Variants in NRXN3 observed in about 807,000 individuals in gnomAD.
NRXN3 encodes neurexin 3.
Under a neutral mutation model 137.6 loss-of-function variants are expected in NRXN3, and 32 were observed. The observed-to-expected ratio is 0.23, with a 90% CI of 0.18 to 0.31. The LOEUF (loss-of-function observed/expected upper bound fraction) is 0.31, where lower values mean the gene tolerates loss of function less well. Ranked by LOEUF, NRXN3 falls within the 10% of genes least tolerant of loss-of-function variation. The pLI, the probability that NRXN3 is intolerant of heterozygous loss-of-function variation, is 1.00. For synonymous variants in NRXN3, 798 were observed against 784.5 expected (o/e 1.02, Z -0.29); for missense variants, 1,574 against 2,062.5 (o/e 0.76, Z 4.59).
chr14:78,541,382 A>T (rs1439528740), intron 4 of NRXN3, among the ~76,000 whole-genome samples: 1 of 152,112 alleles, frequency 6.6e-6, no homozygotes, highest in East Asian at 1.9e-4. Context: ...AATCACTGAT[A>T]CCCTTTCTTC....
Position 79,861,074 on chromosome 14 carries a change from C to T in NRXN3, c.4094-268C>T. 7.0e-7 allele frequency: 1 copy of T among 1,427,502 alleles called. No individual in the cohort carries two copies. Among genetic ancestry groups the T allele is most frequent in the Non-Finnish European group, 9.1e-7 (1 of 1,093,618 alleles). The allele number at this position is 1,427,502 out of a possible 1,614,324, so 88.4% of individuals were successfully genotyped here. On this transcript the variant is annotated intron_variant, in intron 20 of 20. Transcript: ENST00000335750. This position sits in a 1 kb window ranked among gnomAD's most constrained non-coding sequence, Gnocchi z 5.4. ...AGTTATCCCTCTTCTTGTAGAAGAC[C>T]CTTTAGCTACCCCTCCTATTGCTAC...
chr14:78,783,950 A>G (rs1345042810), intron 8 of NRXN3, among the ~76,000 whole-genome samples: 1 of 152,022 alleles, frequency 6.6e-6, no homozygotes, highest in Non-Finnish European at 1.5e-5. Context: ...TTTATAGAGC[A>G]TCTACTATGG....
intron 4 of NRXN3, among the ~76,000 whole-genome samples, chr14:78,539,415 G>A (rs1436576362): frequency 6.6e-6 from 1 of 152,160 alleles, no homozygotes. Context: ...GGTGTTTATA[G>A]TATTCTCTGA....
In NRXN3 at chr14:79,314,081, A is replaced by G. The variant is rs138746156; in HGVS notation, c.3263-153140A>G. 6.9e-4 allele frequency: 107 copies of G among 156,092 alleles called. 1 individual carries two copies. Among genetic ancestry groups the G allele is most frequent in the African/African-American group, 2.5e-3 (103 of 41,476 alleles). 9.7% of individuals were successfully genotyped at this position (156,092 alleles called of 1,614,324 possible). A position where few individuals can be genotyped will look rare whatever the true frequency, so the allele number is the denominator to read the frequency against. ...TCTTTGCCAAGATGGCCGAATAGGA[A>G]CAGCTCCGGTCTACAGCTCCCAGCG... On this transcript the variant is annotated intron_variant, in intron 15 of 20. Coordinates refer to ENST00000335750, the MANE Select transcript of NRXN3 (RefSeq NM_001330195.2).
chr14:79,487,981 G>A (rs1404396682), intron 16 of NRXN3, among the ~76,000 whole-genome samples: 1 of 152,100 alleles, frequency 6.6e-6, no homozygotes, highest in Non-Finnish European at 1.5e-5. Context: ...GTTATTAATG[G>A]GCCTTCATAC....
intron 3 of NRXN3, chr14:78,282,009 G>A (rs1046248472): frequency 2.0e-5 from 8 of 407,476 alleles, no homozygotes; most frequent in African/African-American, 1.6e-4. Context: ...AGCACATGGG[G>A]AGTTTTGAGT....
chr14:79,519,883 T>C (rs965501136), intron 16 of NRXN3, among the ~76,000 whole-genome samples: 1 of 151,792 alleles, frequency 6.6e-6, no homozygotes, highest in Non-Finnish European at 1.5e-5. Context: ...AATGCATAAG[T>C]CTTTAAGTGT....
chr14:79,705,954 T>C (rs1324264601), intron 19 of NRXN3, among the ~76,000 whole-genome samples: 1 of 152,154 alleles, frequency 6.6e-6, no homozygotes, highest in Non-Finnish European at 1.5e-5. Context: ...CACAGAGTAA[T>C]ACGCAGTCAA....
At chr14:78,988,214 A>C (rs776836133) in intron 15 of NRXN3, 73 bp downstream of exon 15, 10 of 1,545,638 alleles carry the variant, frequency 6.5e-6, no homozygotes, top group Non-Finnish European at 8.0e-6. Context: ...AAAGGACAAT[A>C]TGTAAAAGGA....
At chr14:78,283,947 A>C (rs966914193) in intron 3 of NRXN3, among the ~76,000 whole-genome samples, 1 of 152,216 alleles carries the variant, frequency 6.6e-6, no homozygotes, top group African/African-American at 2.4e-5. Context: ...ACTGTGACCT[A>C]TTCAAGTTAC....
At chr14:78,918,258 G>A (rs542098091) in intron 10 of NRXN3, among the ~76,000 whole-genome samples, 16 of 136,042 alleles carry the variant, frequency 1.2e-4, no homozygotes, top group Non-Finnish European at 2.0e-4. Context: ...GCACTCCAGC[G>A]TGGGCAACAA....
At chr14:79,341,072 C>T (rs1245133358) in intron 15 of NRXN3, among the ~76,000 whole-genome samples, 1 of 152,060 alleles carries the variant, frequency 6.6e-6, no homozygotes, top group Non-Finnish European at 1.5e-5. Context: ...GGTCTCTGTA[C>T]AGATGATTGA....
At chr14:79,548,511 G>A (rs2097342745) in intron 16 of NRXN3, among the ~76,000 whole-genome samples, 1 of 152,036 alleles carries the variant, frequency 6.6e-6, no homozygotes, top group Admixed American at 6.6e-5. Context: ...ATGTGCATGT[G>A]TCTTTATAGT....
At chr14:79,328,444 T>G (rs2153303548) in intron 15 of NRXN3, among the ~76,000 whole-genome samples, 1 of 152,328 alleles carries the variant, frequency 6.6e-6, no homozygotes, top group East Asian at 1.9e-4. Flanking sequence ...AGTAAATATT[T>G]TAGGCTTTTT....
chr14:78,895,534 A>G (rs1023865682), intron 10 of NRXN3, among the ~76,000 whole-genome samples: 3 of 151,914 alleles, frequency 2.0e-5, no homozygotes, highest in Non-Finnish European at 2.9e-5. Flanking sequence ...ATAAGCAATA[A>G]GCTTGTTTAA....
chr14:79,192,911 C>T (rs1223333156), intron 15 of NRXN3, among the ~76,000 whole-genome samples: 1 of 151,590 alleles, frequency 6.6e-6, no homozygotes. Flanking sequence ...GCTGGGAGTA[C>T]AGGCACCTGC....
intron 15 of NRXN3, among the ~76,000 whole-genome samples, chr14:79,288,233 C>T (rs760134309): frequency 1.1e-4 from 16 of 152,328 alleles, no homozygotes; most frequent in Non-Finnish European, 1.9e-4. Context: ...AGTGCAGTCA[C>T]GCTGAGATGG....
At chr14:78,667,522 A>T (rs931001587) in intron 6 of NRXN3, among the ~76,000 whole-genome samples, 11 of 152,228 alleles carry the variant, frequency 7.2e-5, no homozygotes, top group Non-Finnish European at 1.6e-4. Flanking sequence ...ATATCAAATT[A>T]TTAAAGACAG....
chr14:78,680,027 A>G (rs1164113741), intron 6 of NRXN3, among the ~76,000 whole-genome samples: 1 of 152,160 alleles, frequency 6.6e-6, no homozygotes, highest in Non-Finnish European at 1.5e-5. Flanking sequence ...AGATTATATA[A>G]GTATATGTAT....
Sources: gnomAD v4.1 joint callset for allele counts (sites outside exome capture counted in the v4.1 genomes callset) on GRCh38, gnomAD v4.1.1 for gene constraint, Gnocchi (gnomAD v3.1) non-coding constraint, MANE v1.5 for transcripts, NCBI Gene and HGNC (gene_info 2026-07-23, HGNC 2026-07-21) for gene names.